NEMP2: variants seen among roughly 807,000 people sequenced by gnomAD.
The protein encoded by NEMP2 is nuclear envelope integral membrane protein 2, also known as UPF0571 transmembrane protein.
NEMP2 carries 53 observed loss-of-function variants against 54.2 expected under a neutral mutation model. The observed-to-expected ratio is 0.98, with a 90% CI of 0.78 to 1.23. The LOEUF (loss-of-function observed/expected upper bound fraction) is 1.23. NEMP2 is among the 50% of genes most tolerant of loss of function. NEMP2 has a pLI of 0.00. For synonymous variants in NEMP2, 197 were observed against 190.3 expected (o/e 1.04, Z -0.29); for missense variants, 455 against 511.3 (o/e 0.89, Z 1.06).
chr2:190,585,012 C>T, the NEMP2 span, among the ~76,000 whole-genome samples: 25 of 152,206 alleles, frequency 1.6e-4, 1 homozygote, highest in East Asian at 4.8e-3. The surrounding 1 kb of genome is among the most constrained non-coding windows in gnomAD (Gnocchi z 5.3). Flanking sequence ...AGCTTGGTTA[C>T]TGTAGATGTT....
At chr2:190,424,417 C>G in the NEMP2 span, among the ~76,000 whole-genome samples, 2 of 151,964 alleles carry the variant, frequency 1.3e-5, no homozygotes, top group African/African-American at 4.8e-5. This position sits in a 1 kb window ranked among gnomAD's most constrained non-coding sequence, Gnocchi z 5.9. Context: ...CTCACTGCAA[C>G]CTCCGCCTCC....
At chr2:190,537,678 AGC>A (rs1691420824), upstream of NEMP2, among the ~76,000 whole-genome samples, 1 of 152,222 alleles carries the variant, frequency 6.6e-6, no homozygotes, top group South Asian at 2.1e-4. Flanking sequence ...TTTAAGAGGA[AGC>A]AGAGCATGAA....
At chr2:190,497,795 A>G in the NEMP2 span, 1 of 1,461,860 alleles carries the variant, frequency 6.8e-7, no homozygotes, top group Non-Finnish European at 9.3e-7. The surrounding 1 kb of genome is among the most constrained non-coding windows in gnomAD (Gnocchi z 5.2). Flanking sequence ...TTAATTACTC[A>G]CTTTTCATTC....
rs1489580589 is a variant in NEMP2 at position 190,514,320 on chromosome 2, C to G, written c.953+133G>C. The stretch of plus-strand genomic sequence containing the variant: ...TTGGAGCTCTCTACCCCTACACCCC[C>G]AATCTTGCTCAGAATGAAATCTCCA... On this transcript the variant is annotated intron_variant, in intron 7 of 8. Coordinates refer to ENST00000409150, the MANE Select transcript of NEMP2 (RefSeq NM_001142645.2). This position sits in a 1 kb window ranked among gnomAD's most constrained non-coding sequence, Gnocchi z 5.7. 1.1e-6 allele frequency: 1 copy of G among 881,830 alleles called. No homozygotes were observed. The highest frequency in any genetic ancestry group is 1.8e-6 in the Non-Finnish European group (1 of 565,530). 54.6% of individuals were successfully genotyped at this position (881,830 alleles called of 1,614,324 possible). A position where few individuals can be genotyped will look rare whatever the true frequency, so the allele number is the denominator to read the frequency against.
At chr2:190,517,394 G>C in intron 5 of NEMP2, 126 bp downstream of exon 5, 1 of 669,622 alleles carries the variant, frequency 1.5e-6, no homozygotes, top group Non-Finnish European at 2.5e-6. Context: ...TTTAGAGCCA[G>C]TTTACATAAT....
At chr2:190,630,343 G>A in the NEMP2 span, among the ~76,000 whole-genome samples, 3 of 151,952 alleles carry the variant, frequency 2.0e-5, no homozygotes, top group Non-Finnish European at 4.4e-5. The surrounding 1 kb of genome is among the most constrained non-coding windows in gnomAD (Gnocchi z 5.5). Context: ...TCAGCCTCCC[G>A]AGTAGCTGGG....
At chr2:190,441,442 G>C in the NEMP2 span, among the ~76,000 whole-genome samples, 2 of 151,468 alleles carry the variant, frequency 1.3e-5, no homozygotes, top group Non-Finnish European at 2.9e-5. Flanking sequence ...AGGCTAATGG[G>C]AGGCATAGGT....
At chr2:190,499,528 TCAGGACTCTTAATTA>T (rs1440304462), downstream of NEMP2, among the ~76,000 whole-genome samples, 1 of 152,228 alleles carries the variant, frequency 6.6e-6, no homozygotes, top group African/African-American at 2.4e-5. The surrounding 1 kb of genome is among the most constrained non-coding windows in gnomAD (Gnocchi z 6.0). Flanking sequence ...CAAATATATA[TCAGGACTCTTAATTA>T]CAGGACATTC....
chr2:190,491,819 T>TCAAAGACAAGGTTTTTGAATTAA, the NEMP2 span, among the ~76,000 whole-genome samples: 1 of 152,142 alleles, frequency 6.6e-6, no homozygotes, highest in African/African-American at 2.4e-5. This position sits in a 1 kb window ranked among gnomAD's most constrained non-coding sequence, Gnocchi z 4.2. Flanking sequence ...AATCTCTGAC[T>TCAAAGACAAGGTTTTTGAATTAA]TCCCTGAAAA....
Position 190,529,843 on chromosome 2 carries a change from C to T in NEMP2, c.98-4465G>A, listed in dbSNP as rs1184767235. Among the ~76,000 whole-genome samples, 1 of 152,192 alleles carries T rather than the reference C, an allele frequency of 6.6e-6. No individual in the cohort carries two copies. Among genetic ancestry groups the T allele is most frequent in the Admixed American group, 6.5e-5 (1 of 15,288 alleles). Reference sequence around the variant, plus strand: ...GATGTAGTAGGATGCCCTTGCCAGCCTGTGCCACTGCCATCCCATTTACAG... The same window carrying T: ...GATGTAGTAGGATGCCCTTGCCAGCTTGTGCCACTGCCATCCCATTTACAG... On this transcript the variant is annotated intron_variant, in intron 1 of 8. Coordinates refer to ENST00000409150, the MANE Select transcript of NEMP2 (RefSeq NM_001142645.2). This position sits in a 1 kb window ranked among gnomAD's most constrained non-coding sequence, Gnocchi z 4.7.
At chr2:190,592,214 C>G in the NEMP2 span, among the ~76,000 whole-genome samples, 1 of 152,236 alleles carries the variant, frequency 6.6e-6, no homozygotes, top group African/African-American at 2.4e-5. This position sits in a 1 kb window ranked among gnomAD's most constrained non-coding sequence, Gnocchi z 4.4. Flanking sequence ...ATGTAACTGC[C>G]AAGTTTAACC....
chr2:190,451,672 A>C, the NEMP2 span, among the ~76,000 whole-genome samples: 1 of 152,230 alleles, frequency 6.6e-6, no homozygotes, highest in Non-Finnish European at 1.5e-5. This position sits in a 1 kb window ranked among gnomAD's most constrained non-coding sequence, Gnocchi z 5.0. Context: ...GTGGCATTTG[A>C]GCAGAGTCCT....
At chr2:190,564,789 A>G in the NEMP2 span, among the ~76,000 whole-genome samples, 13 of 152,218 alleles carry the variant, frequency 8.5e-5, no homozygotes, top group Admixed American at 3.3e-4. The surrounding 1 kb of genome is among the most constrained non-coding windows in gnomAD (Gnocchi z 4.2). Context: ...CAGAATGAAC[A>G]CAGGCATATC....
the NEMP2 span, among the ~76,000 whole-genome samples, chr2:190,566,477 G>A: frequency 6.6e-6 from 1 of 151,960 alleles, no homozygotes. Context: ...AAAATTAGCT[G>A]GGTGTGGTGG....
At chr2:190,474,524 T>G in the NEMP2 span, among the ~76,000 whole-genome samples, 4 of 152,158 alleles carry the variant, frequency 2.6e-5, no homozygotes, top group African/African-American at 9.7e-5. Context: ...AGGAAGAAGT[T>G]GAATCTCTGA....
the NEMP2 span, among the ~76,000 whole-genome samples, chr2:190,623,787 G>A: frequency 1.4e-4 from 21 of 152,076 alleles, no homozygotes; most frequent in South Asian, 4.1e-3. Context: ...CAAAAGCACA[G>A]GCAGCCAAAA....
In NEMP2 at chr2:190,505,782, C is replaced by T. The variant is rs1023902497; in HGVS notation, c.*3407G>A. 6.6e-6 allele frequency: 1 copy of T among 152,158 alleles called. No homozygotes were observed. Among genetic ancestry groups the T allele is most frequent in the African/African-American group, 2.4e-5 (1 of 41,420 alleles). The allele number at this position is 152,158 out of a possible 1,614,324, so 9.4% of individuals were successfully genotyped here. On this transcript the variant is annotated 3_prime_UTR_variant, in exon 9 of 9. Coordinates refer to ENST00000409150, the MANE Select transcript of NEMP2 (RefSeq NM_001142645.2). This position sits in a 1 kb window ranked among gnomAD's most constrained non-coding sequence, Gnocchi z 5.8. ...TAATGAAGATTAGAAAAACAGCAGT[C>T]ACAGAGAGGAAAAAGTTGGCAGGAC...
chr2:190,552,276 CTTCA>C, the NEMP2 span, among the ~76,000 whole-genome samples: 1 of 152,176 alleles, frequency 6.6e-6, no homozygotes, highest in Admixed American at 6.5e-5. Flanking sequence ...GGTGGTTCGT[CTTCA>C]TTCATCAGTG....
rs8962 is a variant in NEMP2 at position 190,506,923 on chromosome 2, G to A, written c.*2266C>T. The A allele has an allele frequency of 0.15, 22,239 of 152,102 alleles. 1,839 individuals are homozygous for A. The highest frequency in any genetic ancestry group is 0.22 in the Middle Eastern group (67 of 300). 9.4% of individuals were successfully genotyped at this position (152,102 alleles called of 1,614,324 possible). A position where few individuals can be genotyped will look rare whatever the true frequency, so the allele number is the denominator to read the frequency against. ...GGCAGAGCCATTTTATTGAGTGGTC[G>A]TTTAAACTGTTCAAAGGCCTTTAAA... On this transcript the variant is annotated 3_prime_UTR_variant, in exon 9 of 9. Coordinates refer to ENST00000409150, the MANE Select transcript of NEMP2 (RefSeq NM_001142645.2). The surrounding 1 kb of genome is among the most constrained non-coding windows in gnomAD (Gnocchi z 6.3).
Sources: allele counts gnomAD v4.1 joint callset (sites outside exome capture counted in the v4.1 genomes callset), GRCh38; gene constraint gnomAD v4.1.1; non-coding constraint Gnocchi (gnomAD v3.1); transcripts MANE v1.5; gene names NCBI Gene and HGNC (gene_info 2026-07-23, HGNC 2026-07-21).